CES3: variants seen among roughly 807,000 people sequenced by gnomAD.
CES3 encodes carboxylesterase 3, also known as carboxylesterase 3 (brain).
CES3 carries 49 observed loss-of-function variants against 57.6 expected under a neutral mutation model. The observed-to-expected ratio is 0.85, with a 90% CI of 0.68 to 1.08. The LOEUF (loss-of-function observed/expected upper bound fraction) is 1.08, where lower values mean the gene tolerates loss of function less well. CES3 is among the 50% of genes least tolerant of loss of function. The pLI, the probability that CES3 is intolerant of heterozygous loss-of-function variation, is 0.00. For synonymous variants in CES3, 266 were observed against 281.6 expected (o/e 0.94, Z 0.55); for missense variants, 645 against 742.0 (o/e 0.87, Z 1.52).
At chr16:66,966,550 G>C in intron 7 of CES3, 175 bp from the exon 8 acceptor site, 1 of 846,168 alleles carries the variant, frequency 1.2e-6, no homozygotes, top group South Asian at 1.7e-5. Context: ...GAAACTGGAC[G>C]CATCTGTTGC....
At chr16:66,961,841 G>C (rs530274277) in intron 1 of CES3, among the ~76,000 whole-genome samples, 1 of 152,318 alleles carries the variant, frequency 6.6e-6, no homozygotes, top group South Asian at 2.1e-4. Flanking sequence ...TGGGATTACA[G>C]GCGTGAGCCA....
chr16:66,967,105 CAG>C (rs1597021627), intron 8 of CES3, among the ~76,000 whole-genome samples: 2 of 151,686 alleles, frequency 1.3e-5, no homozygotes, highest in African/African-American at 2.4e-5. Flanking sequence ...GTTTTTGAGA[CAG>C]AGTCTCGCTC....
At chr16:66,969,886 C>T (rs1963800881) in intron 9 of CES3, 127 bp downstream of exon 9, 1 of 743,288 alleles carries the variant, frequency 1.3e-6, no homozygotes, top group Non-Finnish European at 2.3e-6. Flanking sequence ...CACCAAGCCC[C>T]TTTGTCTAAC....
In CES3 at chr16:66,973,118, G is replaced by T; in HGVS notation, c.*69G>T. On this transcript the variant is annotated 3_prime_UTR_variant, in exon 13 of 13. Transcript: ENST00000303334. ...GTGGTGGCAGAGTCCCAGCACGGCA[G>T]CCCGCCTCTCCCCCTGCTGAGACTT... is the stretch of plus-strand genomic sequence containing the variant. 7.1e-7 allele frequency: 1 copy of T among 1,403,208 alleles called. No homozygotes were observed. The highest frequency in any genetic ancestry group is 9.8e-7 in the Non-Finnish European group (1 of 1,016,830). 86.9% of individuals were successfully genotyped at this position (1,403,208 alleles called of 1,614,324 possible).
rs1963859578 is a variant in CES3 at position 66,972,705 on chromosome 16, C to G, written c.1479C>G (p.Ser493Arg). ...CCACAGAGGAGGAGAAGCAGCTAAGCCTCACCATGATGGCCCAGTGGACCC... is the reference window on the plus strand; with the variant it reads ...CCACAGAGGAGGAGAAGCAGCTAAGGCTCACCATGATGGCCCAGTGGACCC... ...PEATEEEKQLSLTMMAQWTHF... is the reference protein window; with the variant it reads ...PEATEEEKQLRLTMMAQWTHF... Residue 493 changes from serine (S) to arginine (R), a missense_variant, in exon 12 of 13, where the codon AGC becomes AGG. Transcript: ENST00000303334. 6.2e-7 allele frequency: 1 copy of G among 1,614,204 alleles called. No homozygotes were observed.
intron 6 of CES3, 127 bp from the exon 7 acceptor site, chr16:66,966,117 T>C: frequency 1.2e-6 from 1 of 800,802 alleles, no homozygotes; most frequent in Non-Finnish European, 2.0e-6. Context: ...CTGTGACCAG[T>C]CTCGAGGCCG....
In CES3 at chr16:66,965,037, C is replaced by A. The variant is rs560183616; in HGVS notation, c.819+310C>A. ...GGAGGGGGTCTCCATTGCCAGCCACCTGCTGCCTGCGAGCTCTCCATTCAG... is the reference window on the plus strand; with the variant it reads ...GGAGGGGGTCTCCATTGCCAGCCACATGCTGCCTGCGAGCTCTCCATTCAG... On this transcript the variant is annotated intron_variant, in intron 6 of 12. Coordinates refer to ENST00000303334, the MANE Select transcript of CES3 (RefSeq NM_024922.6). Among the ~76,000 whole-genome samples the A allele has an allele frequency of 2.0e-5, 3 of 152,340 alleles. No homozygotes were observed. The South Asian group carries it at 6.2e-4, about 32-fold the overall frequency.
rs1374201680 is a variant in CES3 at position 66,966,707 on chromosome 16, C to T, written c.922-18C>T. On this transcript the variant is annotated intron_variant, in intron 7 of 12. Coordinates refer to ENST00000303334, the MANE Select transcript of CES3 (RefSeq NM_024922.6). The stretch of plus-strand genomic sequence containing the variant: ...TTGGCCCTAACTTGGGAGCCTCCTG[C>T]ATTGCTTTCTCCTGCAGAAAAATAC... The T allele has an allele frequency of 6.2e-7, 1 of 1,613,714 alleles. No homozygotes were observed. Among genetic ancestry groups the T allele is most frequent in the Admixed American group, 1.7e-5 (1 of 59,998 alleles).
Position 66,973,217 on chromosome 16 carries a change from G to T in CES3, c.*168G>T, listed in dbSNP as rs959498073. The T allele has an allele frequency of 1.6e-6, 1 of 633,026 alleles. No individual in the cohort carries two copies. Among genetic ancestry groups the T allele is most frequent in the Non-Finnish European group, 2.7e-6 (1 of 365,846 alleles). 39.2% of individuals were successfully genotyped at this position (633,026 alleles called of 1,614,324 possible). On this transcript the variant is annotated 3_prime_UTR_variant, in exon 13 of 13. Transcript: ENST00000303334. ...TGCTCTTTTGAAATGTCACAAGGCC[G>T]CCTCCCACCTCTGGGGCATTGTACA...
rs761401704 is a variant in CES3 at position 66,963,119 on chromosome 16, C to T, written c.83-60C>T. On this transcript the variant is annotated intron_variant, in intron 1 of 12. Transcript: ENST00000303334. The surrounding 1 kb of genome is among the most constrained non-coding windows in gnomAD (Gnocchi z 4.9). ...GAGAACAGCCTGAGGGTTTGTCTTT[C>T]ACTCCTTCCCCTCATGGGGGCTGCA... 1.3e-6 allele frequency: 2 copies of T among 1,547,948 alleles called. No homozygotes were observed. The highest frequency in any genetic ancestry group is 8.9e-7 in the Non-Finnish European group (1 of 1,120,032).
In CES3 at chr16:66,966,947, T is replaced by G. The variant is rs1007678677; in HGVS notation, c.1062+82T>G. 4 of 1,514,676 alleles carry G rather than the reference T, an allele frequency of 2.6e-6. No homozygotes were observed. The African/African-American group carries it at 5.5e-5, about 21-fold the overall frequency. 93.8% of individuals were successfully genotyped at this position (1,514,676 alleles called of 1,614,324 possible). On this transcript the variant is annotated intron_variant, in intron 8 of 12. Transcript: ENST00000303334. ...CCCCAGCATCAACACTACAGCCTTG[T>G]GAACGGAGCACTCCCGTTACTCCCA...
In CES3 at chr16:66,972,930, C is replaced by T; in HGVS notation, c.1597C>T (p.Pro533Ser). 1.9e-6 allele frequency: 3 copies of T among 1,614,184 alleles called. No homozygotes were observed. Among genetic ancestry groups the T allele is most frequent in the Non-Finnish European group, 2.5e-6 (3 of 1,180,038 alleles). Residue 533 changes from proline to serine, a missense_variant, in exon 13 of 13, where the codon CCA becomes TCA. Coordinates refer to ENST00000303334, the MANE Select transcript of CES3 (RefSeq NM_024922.6). ...AEQYLEINPV[P>S]RAGQKFREAW... ...ACAATATCTGGAGATCAACCCAGTG[C>T]CACGGGCCGGACAGAAGTTCAGGGA...
At position 66,964,618 on chromosome 16, in the gene CES3, C is replaced by G; in HGVS notation, c.715-5C>G. On this transcript the variant is annotated splice_region_variant and splice_polypyrimidine_tract_variant and intron_variant, in intron 5 of 12. Coordinates refer to ENST00000303334, the MANE Select transcript of CES3 (RefSeq NM_024922.6). The stretch of plus-strand genomic sequence containing the variant: ...ACAGCCACCTCCTCTCTCCAATGCA[C>G]CCAGGTCCTGTCCCCAGTGGCTGCA... 3 of 1,613,698 alleles carry G rather than the reference C, an allele frequency of 1.9e-6. No homozygotes were observed. The highest frequency in any genetic ancestry group is 1.3e-5 in the African/African-American group (1 of 75,020).
At chr16:66,967,114 G>C (rs556532767) in intron 8 of CES3, among the ~76,000 whole-genome samples, 107 of 151,558 alleles carry the variant, frequency 7.1e-4, no homozygotes, top group African/African-American at 2.5e-3. Flanking sequence ...ACAGAGTCTC[G>C]CTCTGTCACC....
rs71647894 is a variant in CES3, at chr16:66,964,434, T to A, written c.638T>A (p.Ile213Asn). The A allele has an allele frequency of 5.6e-6, 9 of 1,614,088 alleles. No homozygotes were observed. The East Asian group carries it at 2.0e-4, about 36-fold the overall frequency. Residue 213 changes from isoleucine (I) to asparagine (N), a missense_variant, in exon 5 of 13, where the codon ATC (isoleucine) becomes AAC (asparagine). Physicochemically the swap from Ile to Asn is moderately radical, Grantham distance 149 (BLOSUM62 -3). Coordinates refer to ENST00000303334, the MANE Select transcript of CES3 (RefSeq NM_024922.6). The part of the protein sequence containing the change: ...VAALRWVQEN[I>N]APFGGDLNCV... The stretch of plus-strand genomic sequence containing the variant: ...GCTTTGCGCTGGGTGCAAGAAAACA[T>A]CGCCCCCTTCGGGGGTGACCTCAAC...
In CES3 at chr16:66,963,443, G is replaced by T. The variant is rs1306389205; in HGVS notation, c.288-48G>T. Reference sequence around the variant, plus strand: ...GGTTGCAGGAGAATCCTGCTGCTGGGGCTTGTGGGGCTGAACAGCTGGACC... The same window carrying T: ...GGTTGCAGGAGAATCCTGCTGCTGGTGCTTGTGGGGCTGAACAGCTGGACC... On this transcript the variant is annotated intron_variant, in intron 2 of 12. Coordinates refer to ENST00000303334, the MANE Select transcript of CES3 (RefSeq NM_024922.6). This position sits in a 1 kb window ranked among gnomAD's most constrained non-coding sequence, Gnocchi z 4.9. 12 of 1,609,568 alleles carry T rather than the reference G, an allele frequency of 7.5e-6. No homozygotes were observed. The highest frequency in any genetic ancestry group is 9.4e-6 in the Non-Finnish European group (11 of 1,176,400).
At position 66,969,679 on chromosome 16, in the gene CES3, G is replaced by T. The variant is rs1423631980; in HGVS notation, c.1063G>T (p.Gly355Cys). 6.2e-7 allele frequency: 1 copy of T among 1,613,008 alleles called. No homozygotes were observed. The highest frequency in any genetic ancestry group is 1.3e-5 in the African/African-American group (1 of 75,012). ...TGAGAGGGCCTTGGTGTCCACACAG[G>T]GCTGGGGTCTCCTGGATACAATGGA... Reference protein sequence around the residue: ...NHEFSWLIPRGWGLLDTMEQM... With the variant: ...NHEFSWLIPRCWGLLDTMEQM... Residue 355 changes from glycine to cysteine, a missense_variant and splice_region_variant, in exon 9 of 13, where the codon GGC becomes TGC. Physicochemically the swap from Gly to Cys is radical, Grantham distance 159. Transcript: ENST00000303334.
At chr16:66,970,764 C>T (rs1022252829) in intron 9 of CES3, among the ~76,000 whole-genome samples, 1 of 152,210 alleles carries the variant, frequency 6.6e-6, no homozygotes, top group African/African-American at 2.4e-5. Context: ...TTTGGAAGCC[C>T]CAGAACCCTT....
At chr16:66,962,271 C>T (rs1963661563) in intron 1 of CES3, among the ~76,000 whole-genome samples, 1 of 152,188 alleles carries the variant, frequency 6.6e-6, no homozygotes, top group African/African-American at 2.4e-5. Flanking sequence ...ACTGGTTTGC[C>T]TTTGCTCCCT....
Sources: gnomAD v4.1 joint callset for allele counts (sites outside exome capture counted in the v4.1 genomes callset) on GRCh38, gnomAD v4.1.1 for gene constraint, Gnocchi (gnomAD v3.1) non-coding constraint, MANE v1.5 for transcripts, NCBI Gene and HGNC (gene_info 2026-07-23, HGNC 2026-07-21) for gene names.